STK40: variants seen among roughly 807,000 people sequenced by gnomAD.
The protein encoded by STK40 is serine/threonine-protein kinase 40.
In STK40, 13 loss-of-function variants were observed where a neutral mutation model predicts 47.9. The ratio of observed to expected loss-of-function variants is 0.27; its 90% CI spans 0.18 to 0.43. STK40 has a LOEUF of 0.43. STK40 is among the 20% of genes least tolerant of loss of function. STK40 has a pLI of 1.00. For synonymous variants in STK40, 225 were observed against 243.2 expected, an observed-to-expected ratio of 0.93 and a Z score of 0.69; for missense variants, 460 against 595.1, an observed-to-expected ratio of 0.77 and a Z score of 2.36.
At position 36,341,918 on chromosome 1, in the gene STK40, T is replaced by C. The variant is rs1557502492; in HGVS notation, c.1145A>G (p.Gln382Arg). 3 of 1,614,066 alleles carry C rather than the reference T, an allele frequency of 1.9e-6. No homozygotes were observed. Among genetic ancestry groups the C allele is most frequent in the Non-Finnish European group, 2.5e-6 (3 of 1,179,976 alleles). The change falls in exon 11 of 11, where the codon CAG (glutamine) becomes CGG (arginine). Residue 382 changes from glutamine (Q) to arginine (R), a missense_variant. Transcript: ENST00000373132. ...GCTCTTCTCCTCGGCCAGCAGCAGCTGCTGACGCATGTAGTTCTCAAACTC... is the reference window on the plus strand; with the variant it reads ...GCTCTTCTCCTCGGCCAGCAGCAGCCGCTGACGCATGTAGTTCTCAAACTC... ...QYEFENYMRQ[Q>R]LLLAEEKSSI...
At chr1:36,347,581 G>A (rs995755208) in intron 7 of STK40, among the ~76,000 whole-genome samples, 4 of 152,134 alleles carry the variant, frequency 2.6e-5, no homozygotes, top group South Asian at 2.1e-4. Context: ...AACAGATAAC[G>A]CGAGTCACGC....
At chr1:36,370,131 G>A (rs1646932937) in intron 1 of STK40, among the ~76,000 whole-genome samples, 1 of 152,248 alleles carries the variant, frequency 6.6e-6, no homozygotes, top group African/African-American at 2.4e-5. Context: ...TGGGGACTAG[G>A]CTGGCTGATT....
At chr1:36,385,481 C>T (rs1278938639) in intron 1 of STK40, among the ~76,000 whole-genome samples, 3 of 152,244 alleles carry the variant, frequency 2.0e-5, no homozygotes, top group Non-Finnish European at 4.4e-5. Context: ...GCCCACTTCC[C>T]AGAGCTGCGG....
intron 7 of STK40, among the ~76,000 whole-genome samples, chr1:36,344,918 AAC>A (rs1417558093): frequency 6.6e-6 from 1 of 152,234 alleles, no homozygotes; most frequent in Non-Finnish European, 1.5e-5. Context: ...CATGGGAAGA[AAC>A]ACTTTTATTT....
At chr1:36,378,747 G>A (rs994551131) in intron 1 of STK40, among the ~76,000 whole-genome samples, 1 of 152,226 alleles carries the variant, frequency 6.6e-6, no homozygotes, top group Non-Finnish European at 1.5e-5. Context: ...GTGAGCCACC[G>A]TGCCAGCCGG....
At chr1:36,384,805 A>G (rs1180490477) in intron 1 of STK40, among the ~76,000 whole-genome samples, 1 of 152,248 alleles carries the variant, frequency 6.6e-6, no homozygotes, top group Admixed American at 6.5e-5. Context: ...TTTACAAACA[A>G]GATTATTTTG....
chr1:36,377,527 C>T (rs546246270), intron 1 of STK40, among the ~76,000 whole-genome samples: 62 of 120,220 alleles, frequency 5.2e-4, no homozygotes, highest in Non-Finnish European at 7.5e-4. Flanking sequence ...AGTGAGACTC[C>T]GTCTCAAAAA....
chr1:36,359,048 A>G (rs1214779310), intron 2 of STK40, among the ~76,000 whole-genome samples: 1 of 152,096 alleles, frequency 6.6e-6, no homozygotes, highest in Non-Finnish European at 1.5e-5. Flanking sequence ...TTGCAAACAC[A>G]TTTCCCAAAG....
At chr1:36,357,851 G>A (rs892674901) in intron 4 of STK40, among the ~76,000 whole-genome samples, 16 of 152,200 alleles carry the variant, frequency 1.1e-4, no homozygotes, top group Non-Finnish European at 7.4e-5. Context: ...TCCTGACCTT[G>A]TGATCTGCCC....
At chr1:36,354,213 T>G (rs1570443292) in intron 6 of STK40, 151 bp downstream of exon 6, 1 of 767,726 alleles carries the variant, frequency 1.3e-6, no homozygotes, top group African/African-American at 1.8e-5. Context: ...ATTCCCATGT[T>G]CATCCCATCC....
At chr1:36,378,583 T>C (rs113943653) in intron 1 of STK40, among the ~76,000 whole-genome samples, 12,858 of 151,894 alleles carry the variant, frequency 0.085, 1,833 homozygotes, top group African/African-American at 0.29. Flanking sequence ...CTCAGCCTCC[T>C]GAGTAGCTGG....
At chr1:36,343,273 G>A (rs774612691) in intron 10 of STK40, 91 bp downstream of exon 10, 52 of 1,361,534 alleles carry the variant, frequency 3.8e-5, no homozygotes, top group Non-Finnish European at 3.6e-5. Context: ...TGTGGCCTGC[G>A]GGTAGCTGCC....
At chr1:36,352,255 GTC>G (rs1464944547) in intron 6 of STK40, among the ~76,000 whole-genome samples, 2 of 152,190 alleles carry the variant, frequency 1.3e-5, no homozygotes, top group Admixed American at 6.5e-5. Flanking sequence ...CTGTTCTCCT[GTC>G]TCTCAGCGAC....
At chr1:36,367,001 ATTT>A (rs1273810393) in intron 1 of STK40, among the ~76,000 whole-genome samples, 31 of 134,570 alleles carry the variant, frequency 2.3e-4, no homozygotes, top group African/African-American at 7.9e-4. Context: ...CACCCAGCTA[ATTT>A]TTTTTTTTTT....
intron 1 of STK40, among the ~76,000 whole-genome samples, chr1:36,378,868 G>A (rs748470718): frequency 1.3e-5 from 2 of 152,082 alleles, no homozygotes; most frequent in African/African-American, 2.4e-5. Context: ...TGCTGGAAGC[G>A]CCATACTTAT....
Position 36,383,106 on chromosome 1 carries a change from G to A in STK40, c.-9+2617C>T, listed in dbSNP as rs567777111. ...TGGGATTACAAGCATGCACCACCACGTCCGGCTAATTTTGTATTTTTAGTA... is the reference window on the plus strand; with the variant it reads ...TGGGATTACAAGCATGCACCACCACATCCGGCTAATTTTGTATTTTTAGTA... On this transcript the variant is annotated intron_variant, in intron 1 of 10. Transcript: ENST00000373132. Among the ~76,000 whole-genome samples the A allele has an allele frequency of 1.4e-3, 220 of 152,230 alleles. 1 individual carries two copies. Among genetic ancestry groups the A allele is most frequent in the Non-Finnish European group, 2.8e-3 (191 of 68,006 alleles).
At chr1:36,360,509 CATTTTATTTT>C (rs72384228) in intron 2 of STK40, among the ~76,000 whole-genome samples, 3,805 of 148,958 alleles carry the variant, frequency 0.026, 154 homozygotes, top group African/African-American at 0.085. Context: ...CTTGGGTTTT[CATTTTATTTT>C]ATTTTATTTT....
intron 6 of STK40, among the ~76,000 whole-genome samples, chr1:36,351,823 G>T (rs1646761871): frequency 6.6e-6 from 1 of 152,228 alleles, no homozygotes; most frequent in African/African-American, 2.4e-5. Flanking sequence ...TGGTTAGCAG[G>T]CATGAGCCCG....
chr1:36,377,532 CAAAAAA>C (rs746089027), intron 1 of STK40, among the ~76,000 whole-genome samples: 1 of 35,488 alleles, frequency 2.8e-5, no homozygotes, highest in African/African-American at 8.1e-5. Context: ...GACTCCGTCT[CAAAAAA>C]AAAAAAAAAA....
Sources: allele counts gnomAD v4.1 joint callset (sites outside exome capture counted in the v4.1 genomes callset), GRCh38; gene constraint gnomAD v4.1.1; transcripts MANE v1.5; gene names NCBI Gene and HGNC (gene_info 2026-07-23, HGNC 2026-07-21).